Variants in TMEM132C observed in about 807,000 individuals in gnomAD.
TMEM132C encodes the protein protein phosphatase 1, regulatory subunit 152.
Under a neutral mutation model 61.4 loss-of-function variants are expected in TMEM132C, and 29 were observed. That is an observed-to-expected ratio of 0.47 (90% CI 0.35 to 0.64). The LOEUF (loss-of-function observed/expected upper bound fraction) is 0.64. Ranked by LOEUF, TMEM132C falls within the 30% of genes least tolerant of loss-of-function variation. TMEM132C has a pLI of 0.00. For synonymous variants in TMEM132C, 656 were observed against 633.1 expected, an observed-to-expected ratio of 1.04 and a Z score of -0.54; for missense variants, 1,408 against 1,476.9, an observed-to-expected ratio of 0.95 and a Z score of 0.76.
Position 128,514,717 on chromosome 12 carries a change from A to G in TMEM132C, c.975-29240A>G, listed in dbSNP as rs142987229. 8.7e-4 allele frequency among the ~76,000 whole-genome samples: 132 copies of G among 152,308 alleles called. 1 individual carries two copies. Among genetic ancestry groups the G allele is most frequent in the African/African-American group, 3.0e-3 (124 of 41,576 alleles). ...GAGAATTCTCTCTACACCCTTGCAA[A>G]GACGAGGCATTCACCTTGACCTTGA... On this transcript the variant is annotated intron_variant, in intron 2 of 8. Transcript: ENST00000435159.
intron 1 of TMEM132C, among the ~76,000 whole-genome samples, chr12:128,365,351 G>A (rs1030198806): frequency 1.3e-5 from 2 of 152,178 alleles, no homozygotes; most frequent in Non-Finnish European, 2.9e-5. Flanking sequence ...AGTACTCAGG[G>A]AAGCTCTTAC....
chr12:128,383,310 G>C (rs1874473919), intron 1 of TMEM132C, among the ~76,000 whole-genome samples: 1 of 152,188 alleles, frequency 6.6e-6, no homozygotes, highest in Non-Finnish European at 1.5e-5. Flanking sequence ...GCAAGGGGTG[G>C]ATGCATTTTC....
chr12:128,445,278 T>A lies in TMEM132C; in HGVS notation c.974+29658T>A, dbSNP rs184333111. Reference sequence around the variant, plus strand: ...TTTAAACAGTTCAGCGGCGTGCACATTTGAACTGAATTGAACAAAGCAACA... The same window carrying A: ...TTTAAACAGTTCAGCGGCGTGCACAATTGAACTGAATTGAACAAAGCAACA... On this transcript the variant is annotated intron_variant, in intron 2 of 8. Transcript: ENST00000435159. 2.4e-3 allele frequency among the ~76,000 whole-genome samples: 363 copies of A among 152,218 alleles called. 1 individual carries two copies. Among genetic ancestry groups the A allele is most frequent in the Non-Finnish European group, 3.4e-3 (230 of 68,012 alleles).
chr12:128,300,909 T>A (rs1199212455), intron 1 of TMEM132C, among the ~76,000 whole-genome samples: 1 of 152,126 alleles, frequency 6.6e-6, no homozygotes, highest in Non-Finnish European at 1.5e-5. Flanking sequence ...GACATGGTCA[T>A]GTATGCCTGT....
intron 2 of TMEM132C, among the ~76,000 whole-genome samples, chr12:128,461,661 T>C (rs1870537911): frequency 6.6e-6 from 1 of 152,140 alleles, no homozygotes. Flanking sequence ...GCCCACCTCA[T>C]TGTTCACCAG....
At chr12:128,429,065 C>T (rs1869294410) in intron 2 of TMEM132C, among the ~76,000 whole-genome samples, 1 of 152,182 alleles carries the variant, frequency 6.6e-6, no homozygotes, top group South Asian at 2.1e-4. Context: ...ATCTCTGTAG[C>T]AGCATCTACC....
At chr12:128,366,916 A>T (rs966314834) in intron 1 of TMEM132C, among the ~76,000 whole-genome samples, 1 of 152,220 alleles carries the variant, frequency 6.6e-6, no homozygotes. Flanking sequence ...TTAAGCAATC[A>T]CGTGAATTCA....
intron 2 of TMEM132C, among the ~76,000 whole-genome samples, chr12:128,429,843 T>C (rs1218848320): frequency 2.0e-5 from 3 of 152,228 alleles, no homozygotes; most frequent in Admixed American, 6.5e-5. Flanking sequence ...CAAAACAGGG[T>C]GCCCAGGCAT....
chr12:128,696,065 G>A lies in TMEM132C; in HGVS notation c.1891G>A (p.Val631Ile), dbSNP rs1189375611. The A allele has an allele frequency of 1.3e-6, 2 of 1,551,714 alleles. No individual in the cohort carries two copies. Among genetic ancestry groups the A allele is most frequent in the East Asian group, 2.4e-5 (1 of 40,902 alleles). ...CGTGGCCACCCTCCAGGACAGCCGG[G>A]TCCTGGTTGGGCGAGAGGTTGGGAT... ...PHVATLQDSR[V>I]LVGREVGMTT... The change falls in exon 7 of 9, where the codon GTC (valine) becomes ATC (isoleucine). Residue 631 changes from valine (V) to isoleucine (I), a missense_variant. Coordinates refer to ENST00000435159, the MANE Select transcript of TMEM132C (RefSeq NM_001136103.3).
chr12:128,284,759 TG>T lies in TMEM132C; in HGVS notation c.85+17273del, dbSNP rs1871005966. Among the ~76,000 whole-genome samples the T allele has an allele frequency of 5.9e-5, 9 of 152,168 alleles. No homozygotes were observed. The South Asian group carries it at 1.7e-3, about 28-fold the overall frequency. On this transcript the variant is annotated intron_variant, in intron 1 of 8. Coordinates refer to ENST00000435159, the MANE Select transcript of TMEM132C (RefSeq NM_001136103.3). The stretch of plus-strand genomic sequence containing the variant: ...ATTGGAATTATGTAAAATAAGAAAA[TG>T]ATATAGATGAATTTGGGATAAATTA...
At chr12:128,525,090 C>G (rs986944555) in intron 2 of TMEM132C, among the ~76,000 whole-genome samples, 2 of 152,206 alleles carry the variant, frequency 1.3e-5, no homozygotes, top group African/African-American at 2.4e-5. Context: ...CTAAGAGAAG[C>G]CTGATGCTGT....
rs7977021 is a variant in TMEM132C at position 128,278,521 on chromosome 12, C to T, written c.85+11034C>T. On this transcript the variant is annotated intron_variant, in intron 1 of 8. Coordinates refer to ENST00000435159, the MANE Select transcript of TMEM132C (RefSeq NM_001136103.3). This position sits in a 1 kb window ranked among gnomAD's most constrained non-coding sequence, Gnocchi z 4.2. Reference sequence around the variant, plus strand: ...CCCTTGACCCCAGCCTGTCTCCCTGCGGCACCGATGCCATGGAGGTGACAG... The same window carrying T: ...CCCTTGACCCCAGCCTGTCTCCCTGTGGCACCGATGCCATGGAGGTGACAG... Among the ~76,000 whole-genome samples, 1,380 of 152,212 alleles carry T rather than the reference C, an allele frequency of 9.1e-3. 24 individuals are homozygous for T. Among genetic ancestry groups the T allele is most frequent in the African/African-American group, 0.03 (1,236 of 41,528 alleles).
chr12:128,507,953 A>G (rs566172801), intron 2 of TMEM132C, among the ~76,000 whole-genome samples: 1 of 152,276 alleles, frequency 6.6e-6, no homozygotes, highest in African/African-American at 2.4e-5. Flanking sequence ...TCACCCAGGT[A>G]CTAACATATT....
At chr12:128,391,989 T>C (rs1465928595) in intron 1 of TMEM132C, among the ~76,000 whole-genome samples, 2 of 152,212 alleles carry the variant, frequency 1.3e-5, no homozygotes, top group East Asian at 1.9e-4. Context: ...TCCACTGATA[T>C]CTATGACCTG....
Position 128,706,091 on chromosome 12 carries a change from G to C in TMEM132C, c.3123G>C (p.Gln1041His), listed in dbSNP as rs1469960452. 12 of 1,551,592 alleles carry C rather than the reference G, an allele frequency of 7.7e-6. No homozygotes were observed. The highest frequency in any genetic ancestry group is 9.6e-6 in the Non-Finnish European group (11 of 1,146,894). The change falls in exon 9 of 9, where the codon CAG becomes CAC. Residue 1041 changes from glutamine (Q) to histidine (H), a missense_variant. Transcript: ENST00000435159. Reference protein sequence around the residue: ...SGGRQGREQKQDPLHSPTSKR... With the variant: ...SGGRQGREQKHDPLHSPTSKR... ...GGCGGCAGGGCAGAGAACAGAAGCA[G>C]GACCCCCTGCACTCGCCCACCTCCA...
chr12:128,292,449 A>G (rs1299275833), intron 1 of TMEM132C, among the ~76,000 whole-genome samples: 4 of 152,194 alleles, frequency 2.6e-5, no homozygotes, highest in South Asian at 2.1e-4. Flanking sequence ...AACTTGTTCC[A>G]GTAGAATGTA....
At chr12:128,514,245 A>C (rs1872653005) in intron 2 of TMEM132C, among the ~76,000 whole-genome samples, 2 of 152,260 alleles carry the variant, frequency 1.3e-5, no homozygotes, top group Non-Finnish European at 2.9e-5. Flanking sequence ...AACTCAAAGC[A>C]GTAAGCTTGG....
chr12:128,284,273 G>A (rs1236741650), intron 1 of TMEM132C, among the ~76,000 whole-genome samples: 3 of 152,216 alleles, frequency 2.0e-5, no homozygotes, highest in Non-Finnish European at 4.4e-5. Flanking sequence ...AGTCATTCGT[G>A]TTTAGGAGTG....
At chr12:128,351,337 G>C (rs1053902611) in intron 1 of TMEM132C, among the ~76,000 whole-genome samples, 12 of 151,998 alleles carry the variant, frequency 7.9e-5, no homozygotes, top group Non-Finnish European at 1.2e-4. Context: ...CCAGGTAGAA[G>C]GTAATTATAT....
Sources: allele counts gnomAD v4.1 joint callset (sites outside exome capture counted in the v4.1 genomes callset), GRCh38; gene constraint gnomAD v4.1.1; non-coding constraint Gnocchi (gnomAD v3.1); transcripts MANE v1.5; gene names NCBI Gene and HGNC (gene_info 2026-07-23, HGNC 2026-07-21).